DISP3: variants seen among roughly 807,000 people sequenced by gnomAD.
DISP3 encodes the protein protein dispatched homolog 3.
A neutral mutation model predicts 135.3 loss-of-function variants in DISP3; 101 were observed. The observed-to-expected ratio is 0.75, with a 90% CI of 0.64 to 0.88. The LOEUF is 0.88. Among genes scored for constraint, DISP3 ranks in the 40% least tolerant of loss-of-function variants. DISP3 has a pLI of 0.00. For missense variants in DISP3, 1,713 were observed against 1,878.6 expected (o/e 0.91, Z 1.63); for synonymous variants, 856 against 817.0 (o/e 1.05, Z -0.81).
intron 17 of DISP3, among the ~76,000 whole-genome samples, chr1:11,533,059 T>C (rs542451913): frequency 6.6e-6 from 1 of 151,996 alleles, no homozygotes; most frequent in Non-Finnish European, 1.5e-5. Flanking sequence ...CACACTGTTA[T>C]GCAACCATTA....
chr1:11,513,948 G>GTT (rs57749480), intron 3 of DISP3, among the ~76,000 whole-genome samples: 13 of 147,974 alleles, frequency 8.8e-5, no homozygotes, highest in African/African-American at 3.0e-4. Context: ...GCCTGGTTAT[G>GTT]TTTTTTTTTT....
chr1:11,503,660 G>C (rs1641618714), intron 3 of DISP3, among the ~76,000 whole-genome samples: 1 of 152,152 alleles, frequency 6.6e-6, no homozygotes, highest in African/African-American at 2.4e-5. Flanking sequence ...CAGCCACTGA[G>C]ATGCCAGTCT....
intron 1 of DISP3, among the ~76,000 whole-genome samples, chr1:11,490,628 G>A (rs568581576): frequency 2.6e-5 from 4 of 152,250 alleles, no homozygotes; most frequent in African/African-American, 9.6e-5. Context: ...AGGCTGCTTT[G>A]TGGGCTCCAG....
chr1:11,502,056 A>G lies in DISP3; in HGVS notation c.1064A>G (p.Asp355Gly), dbSNP rs1477734192. ...PTERGGKIYY[D>G]GMGQDLADIR... ...GAGAGGGGCGGCAAGATCTACTATG[A>G]CGGCATGGGCCAGGACCTGGCGGAC... Residue 355 changes from aspartate to glycine, a missense_variant, in exon 2 of 21, where the codon GAC becomes GGC. Asp to Gly is a moderately conservative substitution (Grantham distance 94). Transcript: ENST00000294484. 10 of 1,590,978 alleles carry G rather than the reference A, an allele frequency of 6.3e-6. No individual in the cohort carries two copies. Among genetic ancestry groups the G allele is most frequent in the African/African-American group, 1.3e-5 (1 of 74,134 alleles).
At chr1:11,503,540 CA>C (rs901734946) in intron 3 of DISP3, among the ~76,000 whole-genome samples, 2 of 152,098 alleles carry the variant, frequency 1.3e-5, no homozygotes, top group African/African-American at 2.4e-5. Flanking sequence ...TTTTGATGTC[CA>C]GGGGCAGGAG....
chr1:11,536,769 T>G lies in DISP3; in HGVS notation c.*83T>G. 7.0e-7 allele frequency: 1 copy of G among 1,437,982 alleles called. No homozygotes were observed. Among genetic ancestry groups the G allele is most frequent in the Non-Finnish European group, 9.1e-7 (1 of 1,097,610 alleles). 89.1% of individuals were successfully genotyped at this position (1,437,982 alleles called of 1,614,324 possible). A position where few individuals can be genotyped will look rare whatever the true frequency, so the allele number is the denominator to read the frequency against. ...GCTTCCCAGCTCGACTTCAGCTAGC[T>G]GTGTCCCCAGGCCTGGGCCCAGGGC... On this transcript the variant is annotated 3_prime_UTR_variant, in exon 21 of 21. Coordinates refer to ENST00000294484, the MANE Select transcript of DISP3 (RefSeq NM_020780.2). This position sits in a 1 kb window ranked among gnomAD's most constrained non-coding sequence, Gnocchi z 4.3.
rs1161575089 is a variant in DISP3 at position 11,536,410 on chromosome 1, C to T, written c.3903C>T (p.Val1301=). The change falls in exon 21 of 21, where the codon GTC becomes GTT. Residue 1301 remains valine (V), a synonymous_variant. Coordinates refer to ENST00000294484, the MANE Select transcript of DISP3 (RefSeq NM_020780.2). This position sits in a 1 kb window ranked among gnomAD's most constrained non-coding sequence, Gnocchi z 4.3. ...TCGTCTCCAGTGCCCTCACCACGGT[C>T]ATCGCCACAGTGCCCCTCTTCTTCT... ...VAIVSSALTT[V]IATVPLFFCI... The T allele has an allele frequency of 1.2e-6, 2 of 1,612,650 alleles. No individual in the cohort carries two copies. The highest frequency in any genetic ancestry group is 1.1e-5 in the South Asian group (1 of 91,086).
Position 11,484,597 on chromosome 1 carries a change from G to A in DISP3, c.-4+5225G>A, listed in dbSNP as rs12563920. Among the ~76,000 whole-genome samples, 131 of 152,292 alleles carry A rather than the reference G, an allele frequency of 8.6e-4. No individual in the cohort carries two copies. The East Asian group carries it at 0.023, about 27-fold the overall frequency. ...GAGAGAAGATGCTGGAGAGGGTCTC[G>A]TCTGCAGAACTCCCGGCATGCCCTT... On this transcript the variant is annotated intron_variant, in intron 1 of 20. Transcript: ENST00000294484.
In DISP3 at chr1:11,531,266, A is replaced by G. The variant is rs2100513372; in HGVS notation, c.3229+233A>G. The stretch of plus-strand genomic sequence containing the variant: ...GTGAACAGGACTGGTGCAGAGGTGC[A>G]TGTGTGTGGGATGGGGGCACATCTG... On this transcript the variant is annotated intron_variant, in intron 16 of 20. Transcript: ENST00000294484. This position sits in a 1 kb window ranked among gnomAD's most constrained non-coding sequence, Gnocchi z 5.2. Among the ~76,000 whole-genome samples, 1 of 152,134 alleles carries G rather than the reference A, an allele frequency of 6.6e-6. No homozygotes were observed.
intron 10 of DISP3, among the ~76,000 whole-genome samples, chr1:11,522,661 AGCCCAGCCAGGACCCAGCCAGAG>A (rs1642250341): frequency 1.6e-4 from 7 of 43,224 alleles, no homozygotes; most frequent in Admixed American, 4.4e-4. Context: ...GCCCAGCCAG[AGCCCAGCCAGGACCCAGCCAGAG>A]CCCAGCCAGG....
At chr1:11,527,791 G>A (rs181315747) in intron 13 of DISP3, among the ~76,000 whole-genome samples, 1 of 152,206 alleles carries the variant, frequency 6.6e-6, no homozygotes, top group Non-Finnish European at 1.5e-5. Context: ...GCTTTTCCCA[G>A]CTCCTCAAGT....
At chr1:11,530,880 G>C in intron 15 of DISP3, 27 bp from the exon 16 acceptor site, 2 of 1,612,598 alleles carry the variant, frequency 1.2e-6, no homozygotes, top group East Asian at 4.5e-5. Context: ...TGAGCGGCCC[G>C]GGCCGGCTTG....
chr1:11,520,545 C>T lies in DISP3; in HGVS notation c.2201-142C>T. 1 of 860,242 alleles carries T rather than the reference C, an allele frequency of 1.2e-6. No individual in the cohort carries two copies. Among genetic ancestry groups the T allele is most frequent in the Non-Finnish European group, 1.8e-6 (1 of 570,092 alleles). 53.3% of individuals were successfully genotyped at this position (860,242 alleles called of 1,614,324 possible). Reference sequence around the variant, plus strand: ...ATCCCCAGCAAGCTTTGCCCACGGGCTGGCATGCAGGGCCTTCCCCCGCAC... The same window carrying T: ...ATCCCCAGCAAGCTTTGCCCACGGGTTGGCATGCAGGGCCTTCCCCCGCAC... On this transcript the variant is annotated intron_variant, in intron 9 of 20. Transcript: ENST00000294484. This position sits in a 1 kb window ranked among gnomAD's most constrained non-coding sequence, Gnocchi z 4.8.
At chr1:11,492,498 TC>T (rs1432826365) in intron 1 of DISP3, among the ~76,000 whole-genome samples, 1 of 152,138 alleles carries the variant, frequency 6.6e-6, no homozygotes, top group Non-Finnish European at 1.5e-5. Flanking sequence ...AGCCTGACCT[TC>T]TCTGAGAAAT....
chr1:11,508,164 A>G (rs1010300203), intron 3 of DISP3, among the ~76,000 whole-genome samples: 11 of 152,198 alleles, frequency 7.2e-5, no homozygotes, highest in African/African-American at 1.7e-4. Context: ...GTTCATGCCT[A>G]TAATCCCAGC....
intron 1 of DISP3, chr1:11,482,049 A>T (rs1025049214): frequency 6.6e-6 from 1 of 152,212 alleles, no homozygotes; most frequent in Non-Finnish European, 1.5e-5. Flanking sequence ...TGAATAGAAG[A>T]TTTAAACCTG....
chr1:11,520,017 C>A lies in DISP3; in HGVS notation c.2200+137C>A, dbSNP rs1052976589. On this transcript the variant is annotated intron_variant, in intron 9 of 20. Transcript: ENST00000294484. This position sits in a 1 kb window ranked among gnomAD's most constrained non-coding sequence, Gnocchi z 4.8. ...GGGGTCTCTCCCTCTCTGACCCCCC[C>A]TCTTTCCTGTGCAGAATGAAGCCGG... 1 of 813,406 alleles carries A rather than the reference C, an allele frequency of 1.2e-6. No individual in the cohort carries two copies. The highest frequency in any genetic ancestry group is 1.9e-6 in the Non-Finnish European group (1 of 529,772). 50.4% of individuals were successfully genotyped at this position (813,406 alleles called of 1,614,324 possible). A position where few individuals can be genotyped will look rare whatever the true frequency, so the allele number is the denominator to read the frequency against.
In DISP3 at chr1:11,526,722, G is replaced by C. The variant is rs1642430279; in HGVS notation, c.2685G>C (p.Gln895His). The C allele has an allele frequency of 2.5e-6, 4 of 1,614,050 alleles. No individual in the cohort carries two copies. Among genetic ancestry groups the C allele is most frequent in the Non-Finnish European group, 2.5e-6 (3 of 1,180,040 alleles). Residue 895 changes from glutamine to histidine, a missense_variant, in exon 13 of 21, where the codon CAG becomes CAC. Physicochemically the swap from Gln to His is conservative, Grantham distance 24 (BLOSUM62 0). Coordinates refer to ENST00000294484, the MANE Select transcript of DISP3 (RefSeq NM_020780.2). ...TACMSTVGLL[Q>H]AASPSRKWML... ...GTATGTCTACAGTAGGGCTGCTCCA[G>C]GCGGCGAGCCCCTCCCGCAAGTGGA...
chr1:11,505,158 C>T (rs1461971294), intron 3 of DISP3, among the ~76,000 whole-genome samples: 1 of 152,222 alleles, frequency 6.6e-6, no homozygotes, highest in Non-Finnish European at 1.5e-5. Flanking sequence ...CTGTCCCAGA[C>T]CTGGCAGTAT....
Sources: allele counts gnomAD v4.1 joint callset (sites outside exome capture counted in the v4.1 genomes callset), GRCh38; gene constraint gnomAD v4.1.1; non-coding constraint Gnocchi (gnomAD v3.1); transcripts MANE v1.5; gene names NCBI Gene and HGNC (gene_info 2026-07-23, HGNC 2026-07-21).